RDM1: variants seen among roughly 807,000 people sequenced by gnomAD.
RDM1 encodes the protein RAD52 motif-containing protein 1.
Under a neutral mutation model 27.7 loss-of-function variants are expected in RDM1, and 28 were observed. That is an observed-to-expected ratio of 1.01 (90% CI 0.75 to 1.39). The LOEUF is 1.39. Ranked by LOEUF, RDM1 falls within the 40% of genes most tolerant of loss-of-function variation. The pLI, the probability that RDM1 is intolerant of heterozygous loss-of-function variation, is 0.00. For missense variants in RDM1, 277 were observed against 337.3 expected (o/e 0.82, Z 1.40); for synonymous variants, 124 against 127.5 (o/e 0.97, Z 0.19).
intron 2 of RDM1, 141 bp downstream of exon 2, chr17:35,929,935 A>G: frequency 4.8e-6 from 4 of 829,800 alleles, no homozygotes; most frequent in Non-Finnish European, 7.7e-6. Context: ...TTCTTCATGT[A>G]AAAAACCCAG....
Position 35,930,615 on chromosome 17 carries a change from T to G in RDM1, c.96+17A>C. The G allele has an allele frequency of 1.9e-6, 3 of 1,609,888 alleles. No individual in the cohort carries two copies. The highest frequency in any genetic ancestry group is 2.5e-6 in the Non-Finnish European group (3 of 1,178,428). ...GCAGCTTTCTCCATCCCTCCCTCCA[T>G]CCTGGCCCCGGCTCACATGCAAAGC... On this transcript the variant is annotated intron_variant, in intron 1 of 6. Transcript: ENST00000620284.
chr17:35,928,829 A>G (rs1402521960), intron 2 of RDM1, among the ~76,000 whole-genome samples: 1 of 151,978 alleles, frequency 6.6e-6, no homozygotes, highest in Non-Finnish European at 1.5e-5. Flanking sequence ...TAGTCCCAGC[A>G]CTTTGGGAGG....
chr17:35,925,750 C>T, intron 2 of RDM1, 113 bp from the exon 3 acceptor site: 1 of 1,213,462 alleles, frequency 8.2e-7, no homozygotes, highest in South Asian at 1.5e-5. Context: ...TACTGTCTTC[C>T]CATTCAGTAG....
chr17:35,922,694 A>G lies in RDM1; in HGVS notation c.569-19T>C. 1 of 1,567,874 alleles carries G rather than the reference A, an allele frequency of 6.4e-7. No homozygotes were observed. Among genetic ancestry groups the G allele is most frequent in the Non-Finnish European group, 8.6e-7 (1 of 1,156,314 alleles). ...AATGGTCCTAAATCCAACCAAAACA[A>G]ATGGATTTAAGGTGCCTATTTGAAT... On this transcript the variant is annotated intron_variant, in intron 4 of 6. Transcript: ENST00000620284.
Position 35,930,750 on chromosome 17 carries a change from G to T in RDM1, c.-23C>A. 6.2e-7 allele frequency: 1 copy of T among 1,609,076 alleles called. No homozygotes were observed. Among genetic ancestry groups the T allele is most frequent in the Non-Finnish European group, 8.5e-7 (1 of 1,177,126 alleles). ...CATCCTCCCTTCACCGCACCTGCGC[G>T]GCTAACCCTCGCCCCAGCATTGCGC... On this transcript the variant is annotated 5_prime_UTR_variant, in exon 1 of 7. Coordinates refer to ENST00000620284, the MANE Select transcript of RDM1 (RefSeq NM_145654.4).
At chr17:35,922,937 C>T (rs151185476) in intron 4 of RDM1, among the ~76,000 whole-genome samples, 129 of 152,228 alleles carry the variant, frequency 8.5e-4, no homozygotes, top group Non-Finnish European at 1.7e-3. Context: ...TCACATCACC[C>T]AGAGATTTCA....
At chr17:35,919,238 T>TA (rs2088851987) in intron 6 of RDM1, among the ~76,000 whole-genome samples, 1 of 152,040 alleles carries the variant, frequency 6.6e-6, no homozygotes, top group African/African-American at 2.4e-5. Flanking sequence ...GCTACTTTTT[T>TA]TAAAGAATTC....
At chr17:35,925,742 C>A in intron 2 of RDM1, 105 bp from the exon 3 acceptor site, 1 of 1,315,468 alleles carries the variant, frequency 7.6e-7, no homozygotes. Context: ...AAAATTGTTA[C>A]TGTCTTCCCA....
Position 35,930,075 on chromosome 17 carries a change from C to G in RDM1, c.276+1G>C. The G allele has an allele frequency of 2.5e-6, 4 of 1,612,846 alleles. No individual in the cohort carries two copies. The highest frequency in any genetic ancestry group is 1.3e-5 in the African/African-American group (1 of 74,950). ...GCTAGGAATTCCATATTTGGACCCA[C>G]CTTGACTGGAGATTTCTGAAAAAGC... On this transcript the variant is annotated splice_donor_variant, in intron 2 of 6. Coordinates refer to ENST00000620284, the MANE Select transcript of RDM1 (RefSeq NM_145654.4). LOFTEE classifies it high-confidence loss of function.
intron 6 of RDM1, 46 bp downstream of exon 6, chr17:35,920,141 A>T (rs1409260096): frequency 1.1e-6 from 1 of 915,042 alleles, no homozygotes; most frequent in African/African-American, 1.7e-5. Flanking sequence ...TTTTTGAATT[A>T]TGGTTACACT....
chr17:35,924,517 A>C (rs2089063383), intron 4 of RDM1, 87 bp downstream of exon 4: 1 of 1,415,012 alleles, frequency 7.1e-7, no homozygotes, highest in Non-Finnish European at 9.6e-7. Flanking sequence ...TATGTATCTG[A>C]AAAGATGAGT....
chr17:35,929,952 G>A (rs62078243), intron 2 of RDM1, 124 bp downstream of exon 2: 2 of 911,108 alleles, frequency 2.2e-6, no homozygotes, highest in African/African-American at 3.3e-5. Context: ...CCAGAGAACT[G>A]GAAGATTAGT....
Position 35,930,086 on chromosome 17 carries a change from G to C in RDM1, c.266C>G (p.Ser89Cys), listed in dbSNP as rs991115646. ...CATATTTGGACCCACCTTGACTGGA[G>C]ATTTCTGAAAAAGCTGCTTCCGGTC... is the stretch of plus-strand genomic sequence containing the variant. ...ACDRKQLFQK[S>C]PVKVRLGTRH... Residue 89 changes from serine (S) to cysteine (C), a missense_variant, in exon 2 of 7, where the codon TCT (serine) becomes TGT (cysteine). By Grantham distance (112) the Ser-to-Cys change is moderately radical (BLOSUM62 -1). Coordinates refer to ENST00000620284, the MANE Select transcript of RDM1 (RefSeq NM_145654.4). 2 of 1,613,394 alleles carry C rather than the reference G, an allele frequency of 1.2e-6. No individual in the cohort carries two copies. Among genetic ancestry groups the C allele is most frequent in the Admixed American group, 3.3e-5 (2 of 59,932 alleles).
intron 2 of RDM1, among the ~76,000 whole-genome samples, 197 bp downstream of exon 2, chr17:35,929,879 T>A (rs1351525621): frequency 6.6e-6 from 1 of 152,222 alleles, no homozygotes; most frequent in Non-Finnish European, 1.5e-5. Context: ...TCCATAATTC[T>A]TGTCAGGAAC....
Position 35,918,593 on chromosome 17 carries a change from A to C in RDM1, c.754-150T>G, listed in dbSNP as rs183042032. 20 of 683,786 alleles carry C rather than the reference A, an allele frequency of 2.9e-5. No individual in the cohort carries two copies. The Middle Eastern group carries it at 8.5e-4, about 29-fold the overall frequency. 42.4% of individuals were successfully genotyped at this position (683,786 alleles called of 1,614,324 possible). On this transcript the variant is annotated intron_variant, in intron 6 of 6. Coordinates refer to ENST00000620284, the MANE Select transcript of RDM1 (RefSeq NM_145654.4). Reference sequence around the variant, plus strand: ...ATTAGGTAGGGGCTGCCAGGGAATAAGTGAAGACTCCAAATTTTCTGTAGG... The same window carrying C: ...ATTAGGTAGGGGCTGCCAGGGAATACGTGAAGACTCCAAATTTTCTGTAGG...
chr17:35,924,397 C>T (rs4796136), intron 4 of RDM1, among the ~76,000 whole-genome samples: 23,723 of 151,946 alleles, frequency 0.16, 2,002 homozygotes, highest in South Asian at 0.28. Context: ...GTCAGCTGTA[C>T]GATTTTAAAT....
intron 6 of RDM1, among the ~76,000 whole-genome samples, chr17:35,918,782 T>TAA (rs2088833391): frequency 6.6e-6 from 1 of 152,186 alleles, no homozygotes; most frequent in Non-Finnish European, 1.5e-5. Context: ...AGTCAGCTGT[T>TAA]AAATAATTTC....
Position 35,924,585 on chromosome 17 carries a change from A to G in RDM1, c.568+19T>C, listed in dbSNP as rs560278623. 3.1e-6 allele frequency: 5 copies of G among 1,601,512 alleles called. No homozygotes were observed. The East Asian group carries it at 1.1e-4, about 36-fold the overall frequency. On this transcript the variant is annotated intron_variant, in intron 4 of 6. Transcript: ENST00000620284. The stretch of plus-strand genomic sequence containing the variant: ...CCACTCCAAATCCCTACCCTCCTCC[A>G]CTCCCAGTGAAAACAGACCTTCCTC...
At chr17:35,921,782 C>CA (rs2088951754) in intron 5 of RDM1, among the ~76,000 whole-genome samples, 1 of 152,138 alleles carries the variant, frequency 6.6e-6, no homozygotes, top group African/African-American at 2.4e-5. Flanking sequence ...TTTGTCATCT[C>CA]ATTTACTCTT....
Sources: allele counts gnomAD v4.1 joint callset (sites outside exome capture counted in the v4.1 genomes callset), GRCh38; gene constraint gnomAD v4.1.1; transcripts MANE v1.5; gene names NCBI Gene and HGNC (gene_info 2026-07-23, HGNC 2026-07-21).